The following GABRA2 variants were observed in gnomAD, a reference collection of about 807,000 sequenced individuals.
GABRA2 encodes gamma-aminobutyric acid receptor subunit alpha-2.
Under a neutral mutation model 48.7 loss-of-function variants are expected in GABRA2, and 16 were observed. That is an observed-to-expected ratio of 0.33 (90% CI 0.22 to 0.50). The LOEUF is 0.50. Ranked by LOEUF, GABRA2 falls within the 20% of genes least tolerant of loss-of-function variation. The pLI, the probability that GABRA2 is intolerant of heterozygous loss-of-function variation, is 0.98. For missense variants in GABRA2, 275 were observed against 535.6 expected (o/e 0.51, Z 4.80); for synonymous variants, 185 against 184.5 (o/e 1.00, Z -0.02).
At chr4:46,299,196 C>T (rs1317651786) in intron 8 of GABRA2, among the ~76,000 whole-genome samples, 2 of 151,472 alleles carry the variant, frequency 1.3e-5, no homozygotes, top group Non-Finnish European at 3.0e-5. Context: ...ATGTTTATAA[C>T]CCTAAGTTAA....
intron 3 of GABRA2, among the ~76,000 whole-genome samples, chr4:46,350,807 A>C (rs184212438): frequency 6.6e-6 from 1 of 152,132 alleles, no homozygotes; most frequent in East Asian, 1.9e-4. Flanking sequence ...TAGAAAACAT[A>C]GTATGTAGAT....
At chr4:46,370,804 T>A (rs889921862) in intron 3 of GABRA2, among the ~76,000 whole-genome samples, 1 of 152,096 alleles carries the variant, frequency 6.6e-6, no homozygotes, top group South Asian at 2.1e-4. Context: ...TTCAACTCTA[T>A]ACTCTGTCTA....
Position 46,262,794 on chromosome 4 carries a change from A to C in GABRA2, c.857-666T>G, listed in dbSNP as rs181729554. Among the ~76,000 whole-genome samples, 745 of 152,132 alleles carry C rather than the reference A, an allele frequency of 4.9e-3. 3 individuals are homozygous for C. The highest frequency in any genetic ancestry group is 8.9e-3 in the Admixed American group (136 of 15,238). Reference sequence around the variant, plus strand: ...GTGCCTGTAATCCCATCTACTTGGGAGGCTGAGGCAGGGAGTTGCTTAAAC... The same window carrying C: ...GTGCCTGTAATCCCATCTACTTGGGCGGCTGAGGCAGGGAGTTGCTTAAAC... On this transcript the variant is annotated intron_variant, in intron 8 of 9. Transcript: ENST00000381620.
intron 5 of GABRA2, 35 bp downstream of exon 5, chr4:46,312,461 T>G (rs763626904): frequency 2.1e-6 from 3 of 1,414,888 alleles, no homozygotes; most frequent in Non-Finnish European, 3.0e-6. Context: ...AATTTCTCAG[T>G]ATATAAATAC....
In GABRA2 at chr4:46,389,810, AGAGAGAGAG is replaced by A. The variant is rs1717994220; in HGVS notation, c.-95_-87del. 1 of 409,954 alleles carries A rather than the reference AGAGAGAGAG, an allele frequency of 2.4e-6. No individual in the cohort carries two copies. The highest frequency in any genetic ancestry group is 2.8e-6 in the Non-Finnish European group (1 of 358,306). The allele number at this position is 409,954 out of a possible 1,614,324, so 25.4% of individuals were successfully genotyped here. A position where few individuals can be genotyped will look rare whatever the true frequency, so the allele number is the denominator to read the frequency against. On this transcript the variant is annotated 5_prime_UTR_variant, in exon 1 of 10. Coordinates refer to ENST00000381620, the MANE Select transcript of GABRA2 (RefSeq NM_000807.4). The stretch of plus-strand genomic sequence containing the variant: ...ACGAGATAGGAAACTTGGGAGAGAG[AGAGAGAGAG>A]AGAGAGAGAGAGAGAGAGAGAGAGA...
chr4:46,326,055 T>C (rs924244541), intron 4 of GABRA2, among the ~76,000 whole-genome samples: 1 of 152,030 alleles, frequency 6.6e-6, no homozygotes, highest in African/African-American at 2.4e-5. Flanking sequence ...CTATTCAGGC[T>C]CTTACTTTGG....
chr4:46,349,903 A>T (rs916308439), intron 3 of GABRA2, among the ~76,000 whole-genome samples: 3 of 151,930 alleles, frequency 2.0e-5, no homozygotes, highest in African/African-American at 7.2e-5. Context: ...TCTATACTTA[A>T]CATGTAATTA....
At chr4:46,302,393 A>T (rs182877454) in intron 8 of GABRA2, 1 of 152,308 alleles carries the variant, frequency 6.6e-6, no homozygotes, top group Non-Finnish European at 1.5e-5. Flanking sequence ...TATCTTTAAT[A>T]ATCTCAAAAC....
rs1303187127 is a variant in GABRA2, at chr4:46,245,384, T to C, written c.*4924A>G. 6.6e-6 allele frequency among the ~76,000 whole-genome samples: 1 copy of C among 151,344 alleles called. No homozygotes were observed. Among genetic ancestry groups the C allele is most frequent in the African/African-American group, 2.4e-5 (1 of 41,378 alleles). ...AACCTGGCATTCAAAGATGTTTCTA[T>C]TCTATCTCATGAAGCAGAATTGCAA... On this transcript the variant is annotated 3_prime_UTR_variant, in exon 10 of 10. Transcript: ENST00000381620.
chr4:46,289,329 A>G (rs577318818), intron 8 of GABRA2, among the ~76,000 whole-genome samples: 2 of 152,262 alleles, frequency 1.3e-5, no homozygotes, highest in African/African-American at 4.8e-5. Context: ...GTAGACTAAG[A>G]AAATGTGGTA....
chr4:46,340,845 T>G (rs1466145460), intron 3 of GABRA2, among the ~76,000 whole-genome samples: 1 of 152,042 alleles, frequency 6.6e-6, no homozygotes, highest in Non-Finnish European at 1.5e-5. Flanking sequence ...TTTCCTTTCC[T>G]TCTAGAAATT....
At chr4:46,284,465 A>AATTC (rs1722144924) in intron 8 of GABRA2, among the ~76,000 whole-genome samples, 1 of 152,162 alleles carries the variant, frequency 6.6e-6, no homozygotes, top group Non-Finnish European at 1.5e-5. Context: ...AGCACTTAGT[A>AATTC]AGTATCTGTT....
chr4:46,305,786 T>G, intron 6 of GABRA2, 75 bp from the exon 7 acceptor site: 1 of 1,053,732 alleles, frequency 9.5e-7, no homozygotes, highest in Non-Finnish European at 1.4e-6. Flanking sequence ...AACGGTTGTG[T>G]ATTTCATACA....
intron 3 of GABRA2, among the ~76,000 whole-genome samples, chr4:46,348,747 G>A (rs1578133641): frequency 7.1e-6 from 1 of 141,058 alleles, no homozygotes; most frequent in African/African-American, 2.6e-5. Context: ...GACACAGGAA[G>A]GGGAACATCA....
chr4:46,332,575 C>A, intron 4 of GABRA2, 40 bp downstream of exon 4: 1 of 1,137,964 alleles, frequency 8.8e-7, no homozygotes, highest in South Asian at 1.2e-5. Context: ...CCCCACTCCC[C>A]ATTATGTGAA....
intron 8 of GABRA2, among the ~76,000 whole-genome samples, chr4:46,295,711 G>C (rs1724507708): frequency 6.6e-6 from 1 of 152,178 alleles, no homozygotes. Flanking sequence ...CCCTCGATGT[G>C]GCACCATTCC....
At chr4:46,255,289 GATAAT>G (rs1217854001) in intron 9 of GABRA2, among the ~76,000 whole-genome samples, 2 of 145,112 alleles carry the variant, frequency 1.4e-5, no homozygotes, top group Non-Finnish European at 3.0e-5. Context: ...AGTGTAACAA[GATAAT>G]ATGTCATATA....
intron 8 of GABRA2, among the ~76,000 whole-genome samples, chr4:46,289,983 C>A (rs1329438823): frequency 6.7e-6 from 1 of 149,308 alleles, no homozygotes; most frequent in East Asian, 2.0e-4. Context: ...GCGATCTCGG[C>A]TCACTGCAAG....
At chr4:46,262,813 C>A (rs1480763468) in intron 8 of GABRA2, among the ~76,000 whole-genome samples, 1 of 151,794 alleles carries the variant, frequency 6.6e-6, no homozygotes, top group Non-Finnish European at 1.5e-5. Flanking sequence ...CAGGGAGTTG[C>A]TTAAACCCAG....
Sources: allele counts gnomAD v4.1 joint callset (sites outside exome capture counted in the v4.1 genomes callset), GRCh38; gene constraint gnomAD v4.1.1; transcripts MANE v1.5; gene names NCBI Gene and HGNC (gene_info 2026-07-23, HGNC 2026-07-21).